SOX5: variants seen among roughly 807,000 people sequenced by gnomAD.
SOX5 encodes SRY-box transcription factor 5, also known as transcription factor SOX-5.
SOX5 carries 9 observed loss-of-function variants against 92.0 expected under a neutral mutation model. The observed-to-expected ratio is 0.10, with a 90% CI of 0.06 to 0.17. The LOEUF is 0.17. Ranked by LOEUF, SOX5 falls within the 10% of genes least tolerant of loss-of-function variation. SOX5 has a pLI of 1.00. For synonymous variants in SOX5, 344 were observed against 336.3 expected (o/e 1.02, Z -0.25); for missense variants, 642 against 944.5 (o/e 0.68, Z 4.20).
intron 4 of SOX5, chr12:24,212,462 C>T (rs775862366): frequency 2.8e-5 from 15 of 534,032 alleles, no homozygotes; most frequent in African/African-American, 1.2e-4. Flanking sequence ...GGAGCTAAGA[C>T]ACACTCCAGG....
intron 1 of SOX5, among the ~76,000 whole-genome samples, chr12:24,438,068 G>A (rs758084203): frequency 6.6e-6 from 1 of 152,202 alleles, no homozygotes; most frequent in East Asian, 1.9e-4. Flanking sequence ...TAAAGAAAAC[G>A]TGGCACATAT....
rs367924553 is a variant in SOX5 at position 23,815,369 on chromosome 12, C to T, written c.481+30614G>A. On this transcript the variant is annotated intron_variant, in intron 3 of 14. Coordinates refer to ENST00000451604, the MANE Select transcript of SOX5 (RefSeq NM_006940.6). Reference sequence around the variant, plus strand: ...TATATAGACCACAAATCTTACAACACGAGATCTTCTATTCCGATGTACCAA... The same window carrying T: ...TATATAGACCACAAATCTTACAACATGAGATCTTCTATTCCGATGTACCAA... Among the ~76,000 whole-genome samples the T allele has an allele frequency of 1.1e-4, 16 of 152,266 alleles. No homozygotes were observed. The East Asian group carries it at 2.1e-3, about 20-fold the overall frequency.
chr12:24,400,522 T>C (rs1248811907), intron 1 of SOX5, among the ~76,000 whole-genome samples: 2 of 152,212 alleles, frequency 1.3e-5, no homozygotes, highest in African/African-American at 4.8e-5. Context: ...TAATAGCCAG[T>C]ACCAAGTCAC....
chr12:23,631,044 T>G (rs755662544), intron 8 of SOX5, among the ~76,000 whole-genome samples: 9 of 152,022 alleles, frequency 5.9e-5, no homozygotes, highest in Non-Finnish European at 1.3e-4. Context: ...TTGTATGTAA[T>G]GCAATTTGTA....
chr12:24,349,919 A>T (rs1209784880), intron 2 of SOX5, among the ~76,000 whole-genome samples: 1 of 152,118 alleles, frequency 6.6e-6, no homozygotes, highest in African/African-American at 2.4e-5. Context: ...TACGAGTTCC[A>T]ATTTCTCCAC....
chr12:24,332,985 T>G (rs2140999512), intron 2 of SOX5, among the ~76,000 whole-genome samples: 1 of 152,260 alleles, frequency 6.6e-6, no homozygotes, highest in Admixed American at 6.5e-5. Flanking sequence ...TATCTATGAT[T>G]GGTTTACCAA....
chr12:24,066,434 T>C (rs1001059139), intron 4 of SOX5, among the ~76,000 whole-genome samples: 2 of 152,180 alleles, frequency 1.3e-5, no homozygotes, highest in Non-Finnish European at 1.5e-5. Flanking sequence ...CTGTACATGA[T>C]AGGTGCTCAA....
At chr12:24,141,863 C>A (rs995156541) in intron 4 of SOX5, among the ~76,000 whole-genome samples, 1 of 151,900 alleles carries the variant, frequency 6.6e-6, no homozygotes, top group African/African-American at 2.4e-5. Context: ...ATGTAAATGC[C>A]CCATGTGTTG....
chr12:24,330,188 A>G (rs1951146263), intron 2 of SOX5, among the ~76,000 whole-genome samples: 1 of 152,236 alleles, frequency 6.6e-6, no homozygotes, highest in East Asian at 1.9e-4. Flanking sequence ...AAATGCAGAC[A>G]TAAAAAAATT....
At position 23,770,055 on chromosome 12, in the gene SOX5, T is replaced by G. The variant is rs537652215; in HGVS notation, c.482-14331A>C. 4.6e-5 allele frequency among the ~76,000 whole-genome samples: 7 copies of G among 150,682 alleles called. No homozygotes were observed. In the South Asian group the frequency reaches 1.1e-3, roughly 23 times the overall value. On this transcript the variant is annotated intron_variant, in intron 3 of 14. Transcript: ENST00000451604. ...AAGTTAAATGCTCCCTCTGTTTTTT[T>G]TTTTTTTTTTTGCCTCACAATAACC... is the stretch of plus-strand genomic sequence containing the variant.
chr12:23,812,575 A>G (rs1182416590), intron 3 of SOX5, among the ~76,000 whole-genome samples: 1 of 152,178 alleles, frequency 6.6e-6, no homozygotes, highest in East Asian at 1.9e-4. Context: ...TTTTGAGCAC[A>G]TAAATAATAT....
intron 2 of SOX5, among the ~76,000 whole-genome samples, chr12:24,318,192 G>C (rs1393293790): frequency 6.6e-6 from 1 of 152,140 alleles, no homozygotes; most frequent in East Asian, 1.9e-4. Flanking sequence ...CTGGGCGACA[G>C]AGCAAGACTC....
intron 7 of SOX5, 39 bp from the exon 8 acceptor site, chr12:23,640,936 C>T (rs1217717297): frequency 7.5e-6 from 10 of 1,332,264 alleles, no homozygotes; most frequent in Non-Finnish European, 1.1e-5. Flanking sequence ...CACCTTTTAT[C>T]TACTCTCCAC....
chr12:24,220,818 C>A (rs780167899), intron 3 of SOX5, among the ~76,000 whole-genome samples: 37 of 152,162 alleles, frequency 2.4e-4, no homozygotes, highest in Non-Finnish European at 4.4e-4. Flanking sequence ...TATTGAATAA[C>A]CAAACTCATA....
At chr12:24,171,523 A>G (rs1954165261) in intron 4 of SOX5, among the ~76,000 whole-genome samples, 2 of 152,112 alleles carry the variant, frequency 1.3e-5, no homozygotes, top group South Asian at 4.1e-4. Flanking sequence ...ATGCCTGGCC[A>G]GCCAACAGAC....
chr12:23,811,320 T>C (rs1185920136), intron 3 of SOX5, among the ~76,000 whole-genome samples: 16 of 152,172 alleles, frequency 1.1e-4, no homozygotes, highest in Admixed American at 7.2e-4. Flanking sequence ...CAGATTGCAC[T>C]CATATTGTTT....
intron 3 of SOX5, among the ~76,000 whole-genome samples, chr12:24,241,809 T>C (rs1965614275): frequency 6.6e-6 from 1 of 152,172 alleles, no homozygotes; most frequent in Non-Finnish European, 1.5e-5. Context: ...TTTATGTTTC[T>C]AAAATACAAT....
chr12:24,448,023 A>C (rs1052786212), intron 1 of SOX5, among the ~76,000 whole-genome samples: 1 of 152,130 alleles, frequency 6.6e-6, no homozygotes, highest in African/African-American at 2.4e-5. Context: ...TCTACTAAAA[A>C]CACAAAAATT....
chr12:24,005,394 T>C (rs1361003441), intron 4 of SOX5, among the ~76,000 whole-genome samples: 1 of 152,180 alleles, frequency 6.6e-6, no homozygotes, highest in Non-Finnish European at 1.5e-5. Context: ...ATCAAATTCA[T>C]GGTAAAAATG....
Sources: allele counts gnomAD v4.1 joint callset (sites outside exome capture counted in the v4.1 genomes callset), GRCh38; gene constraint gnomAD v4.1.1; transcripts MANE v1.5; gene names NCBI Gene and HGNC (gene_info 2026-07-23, HGNC 2026-07-21).